The following LARGE1 variants were observed in gnomAD, a reference collection of about 807,000 sequenced individuals.
The protein encoded by LARGE1 is xylosyl- and glucuronyltransferase LARGE1.
LARGE1 carries 43 observed loss-of-function variants against 87.6 expected under a neutral mutation model. The ratio of observed to expected loss-of-function variants is 0.49; its 90% confidence interval spans 0.38 to 0.63. The LOEUF (loss-of-function observed/expected upper bound fraction) is 0.63, where lower values mean the gene tolerates loss of function less well. Ranked by LOEUF, LARGE1 falls within the 30% of genes least tolerant of loss-of-function variation. LARGE1 has a pLI of 0.00. For missense variants in LARGE1, 802 were observed against 1,000.2 expected, an observed-to-expected ratio of 0.80 and a Z score of 2.67; for synonymous variants, 434 against 394.6, an observed-to-expected ratio of 1.10 and a Z score of -1.18.
chr22:33,079,471 C>T, the LARGE1 span, among the ~76,000 whole-genome samples: 1 of 152,004 alleles, frequency 6.6e-6, no homozygotes, highest in Non-Finnish European at 1.5e-5. Context: ...TCATGACCTG[C>T]CCGTCTTGGC....
intron 7 of LARGE1, among the ~76,000 whole-genome samples, chr22:33,428,024 T>G (rs993845615): frequency 6.6e-6 from 1 of 152,192 alleles, no homozygotes; most frequent in African/African-American, 2.4e-5. Context: ...TTTCAGATAG[T>G]AAAGAGATAC....
chr22:33,203,709 T>C (rs1924532387), intron 11 of LARGE1, among the ~76,000 whole-genome samples: 1 of 152,192 alleles, frequency 6.6e-6, no homozygotes, highest in South Asian at 2.1e-4. Flanking sequence ...TTTGGGTTTC[T>C]GTGACTTTGC....
chr22:33,801,044 C>T (rs60379684), intron 1 of LARGE1, among the ~76,000 whole-genome samples: 1 of 152,108 alleles, frequency 6.6e-6, no homozygotes, highest in African/African-American at 2.4e-5. Flanking sequence ...CTTTCCCATG[C>T]TATTCTCATG....
intron 11 of LARGE1, among the ~76,000 whole-genome samples, chr22:33,179,651 C>A (rs1174147219): frequency 1.3e-5 from 2 of 152,134 alleles, no homozygotes; most frequent in Admixed American, 1.3e-4. Flanking sequence ...TATATCCCAA[C>A]AATTTGTTCT....
intron 1 of LARGE1, among the ~76,000 whole-genome samples, chr22:33,779,139 C>T (rs2085339440): frequency 6.6e-6 from 1 of 152,158 alleles, no homozygotes; most frequent in South Asian, 2.1e-4. Context: ...ACCTAAATCT[C>T]TTCGCTCTGC....
rs372461581 is a variant in LARGE1, at chr22:33,224,021, C to A, written c.1731-57189G>T. On this transcript the variant is annotated intron_variant, in intron 11 of 11. Coordinates refer to the LARGE1 transcript ENST00000608642. ...ACATAGAAAGTGCTCAGGATGGGCGCGGTGGCTCACGCTTGTAATCCCAGA... is the reference window on the plus strand; with the variant it reads ...ACATAGAAAGTGCTCAGGATGGGCGAGGTGGCTCACGCTTGTAATCCCAGA... Among the ~76,000 whole-genome samples the A allele has an allele frequency of 3.9e-5, 6 of 152,138 alleles. No homozygotes were observed. In the South Asian group the frequency reaches 1.2e-3, roughly 32 times the overall value.
At chr22:33,882,315 C>T (rs2064719824) in intron 1 of LARGE1, among the ~76,000 whole-genome samples, 2 of 152,180 alleles carry the variant, frequency 1.3e-5, no homozygotes, top group African/African-American at 4.8e-5. Context: ...CAGGCTTGAG[C>T]CACCGCACCC....
chr22:33,507,287 G>A (rs1377174529), intron 6 of LARGE1, among the ~76,000 whole-genome samples: 2 of 152,180 alleles, frequency 1.3e-5, no homozygotes, highest in East Asian at 3.9e-4. Flanking sequence ...ATGGGCATCT[G>A]GTGCTGGGAG....
chr22:33,708,521 G>A (rs1338993978), intron 2 of LARGE1, among the ~76,000 whole-genome samples: 1 of 152,128 alleles, frequency 6.6e-6, no homozygotes, highest in African/African-American at 2.4e-5. Flanking sequence ...CCAGACTATG[G>A]GGCTGAAACA....
chr22:33,387,626 T>C (rs1392072951), intron 7 of LARGE1, among the ~76,000 whole-genome samples: 4 of 151,948 alleles, frequency 2.6e-5, no homozygotes, highest in African/African-American at 9.7e-5. Flanking sequence ...GAGTCTCTGG[T>C]GACCAAGCTG....
At chr22:33,685,000 A>G (rs2081903680) in intron 2 of LARGE1, among the ~76,000 whole-genome samples, 1 of 152,170 alleles carries the variant, frequency 6.6e-6, no homozygotes, top group Admixed American at 6.5e-5. Flanking sequence ...CCAAGCACAG[A>G]CCAATCCTAG....
intron 1 of LARGE1, among the ~76,000 whole-genome samples, chr22:33,785,012 T>G (rs538345042): frequency 2.0e-5 from 3 of 150,738 alleles, no homozygotes; most frequent in Non-Finnish European, 4.4e-5. Context: ...CATATATGTG[T>G]ATACATACAT....
intron 9 of LARGE1, among the ~76,000 whole-genome samples, chr22:33,340,841 A>C (rs931909975): frequency 6.6e-6 from 1 of 151,928 alleles, no homozygotes; most frequent in Admixed American, 6.6e-5. Context: ...TAAACATGGG[A>C]GCTAGGCTTC....
intron 5 of LARGE1, among the ~76,000 whole-genome samples, chr22:33,597,233 G>A (rs2079000730): frequency 6.8e-6 from 1 of 147,106 alleles, no homozygotes; most frequent in Non-Finnish European, 1.5e-5. Context: ...AAACATATGT[G>A]ATCTCTTGTT....
chr22:33,731,963 G>A (rs907104144), intron 2 of LARGE1, among the ~76,000 whole-genome samples: 12 of 152,078 alleles, frequency 7.9e-5, no homozygotes, highest in East Asian at 3.9e-4. Context: ...ACCATATTTC[G>A]CTACAGGAAA....
At chr22:33,741,782 C>T (rs773489294) in intron 2 of LARGE1, among the ~76,000 whole-genome samples, 2 of 152,210 alleles carry the variant, frequency 1.3e-5, no homozygotes, top group Non-Finnish European at 2.9e-5. Flanking sequence ...GAGCTCTGTC[C>T]TGCAATCACC....
At chr22:33,309,270 G>A (rs376084889) in intron 11 of LARGE1, among the ~76,000 whole-genome samples, 49 of 152,062 alleles carry the variant, frequency 3.2e-4, no homozygotes, top group African/African-American at 9.6e-4. Flanking sequence ...AGGTTCAAGC[G>A]ATTTTCCTGT....
At chr22:33,747,027 G>A (rs896799301) in intron 2 of LARGE1, among the ~76,000 whole-genome samples, 2 of 152,124 alleles carry the variant, frequency 1.3e-5, no homozygotes, top group African/African-American at 4.8e-5. Flanking sequence ...AGTGCCCCGG[G>A]GTGGACTGGA....
intron 6 of LARGE1, among the ~76,000 whole-genome samples, chr22:33,520,921 T>C (rs1164774620): frequency 2.6e-5 from 4 of 152,234 alleles, no homozygotes; most frequent in Non-Finnish European, 5.9e-5. Context: ...TATCTATTAG[T>C]AATAAAAATA....
Sources: gnomAD v4.1 joint callset for allele counts (sites outside exome capture counted in the v4.1 genomes callset) on GRCh38, gnomAD v4.1.1 for gene constraint, MANE v1.5 for transcripts, NCBI Gene and HGNC (gene_info 2026-07-23, HGNC 2026-07-21) for gene names.